MSH4: variants seen among roughly 807,000 people sequenced by gnomAD.
MSH4 encodes the protein mutS homolog 4.
Under a neutral mutation model 113.7 loss-of-function variants are expected in MSH4, and 106 were observed. The observed-to-expected ratio is 0.93, with a 90% CI of 0.80 to 1.10. The LOEUF (loss-of-function observed/expected upper bound fraction) is 1.10, where lower values mean the gene tolerates loss of function less well. Ranked by LOEUF, MSH4 falls within the 50% of genes least tolerant of loss-of-function variation. MSH4 has a pLI of 0.00. For synonymous variants in MSH4, 368 were observed against 380.2 expected, an observed-to-expected ratio of 0.97 and a Z score of 0.37; for missense variants, 1,061 against 1,093.7, an observed-to-expected ratio of 0.97 and a Z score of 0.42.
At chr1:75,804,741 C>A (rs966586666) in intron 2 of MSH4, among the ~76,000 whole-genome samples, 2 of 151,916 alleles carry the variant, frequency 1.3e-5, no homozygotes, top group African/African-American at 4.8e-5. Flanking sequence ...GAACTCCTGA[C>A]CTCATGATCC....
At chr1:75,870,313 C>G (rs1651683957) in intron 9 of MSH4, among the ~76,000 whole-genome samples, 2 of 152,176 alleles carry the variant, frequency 1.3e-5, no homozygotes, top group African/African-American at 4.8e-5. Context: ...TGCCTTGTCT[C>G]AGATGAGATT....
chr1:75,851,366 G>A (rs918796204), intron 8 of MSH4, among the ~76,000 whole-genome samples: 1 of 150,500 alleles, frequency 6.6e-6, no homozygotes, highest in African/African-American at 2.4e-5. Context: ...ATTGACTTAG[G>A]GTTTATAGAC....
chr1:75,889,118 CAT>C, intron 15 of MSH4, 131 bp from the exon 16 acceptor site: 1 of 501,474 alleles, frequency 2.0e-6, no homozygotes, highest in Non-Finnish European at 3.6e-6. Context: ...GAACTGGGGT[CAT>C]GTCTTCTAAT....
intron 7 of MSH4, among the ~76,000 whole-genome samples, chr1:75,846,355 T>C (rs1651078244): frequency 6.6e-6 from 1 of 152,230 alleles, no homozygotes; most frequent in Admixed American, 6.5e-5. Flanking sequence ...TCTGCTTCTT[T>C]TTAAATTATA....
At position 75,881,301 on chromosome 1, in the gene MSH4, C is replaced by T; in HGVS notation, c.1837C>T (p.Leu613=). 1 of 1,610,024 alleles carries T rather than the reference C, an allele frequency of 6.2e-7. No homozygotes were observed. The stretch of plus-strand genomic sequence containing the variant: ...TGAACATATTCATTGCTTATATAAA[C>T]TATCTGACACTGTGTCAATGCTGGA... ...IYEHIHCLYK[L]SDTVSMLDML... The change falls in exon 14 of 20, where the codon CTA becomes TTA. Residue 613 remains leucine, a synonymous_variant. Coordinates refer to ENST00000263187, the MANE Select transcript of MSH4 (RefSeq NM_002440.4).
chr1:75,814,907 G>T (rs765925098), intron 4 of MSH4, 114 bp from the exon 5 acceptor site: 3 of 633,030 alleles, frequency 4.7e-6, no homozygotes, highest in Non-Finnish European at 8.4e-6. Flanking sequence ...TTATTTAAAT[G>T]TTGAAATTTT....
intron 19 of MSH4, among the ~76,000 whole-genome samples, chr1:75,911,649 C>T (rs908804931): frequency 2.0e-5 from 3 of 151,950 alleles, no homozygotes; most frequent in Non-Finnish European, 4.4e-5. Context: ...GATATATAAA[C>T]GTAAGCTTAG....
chr1:75,809,514 C>T (rs1187459867), intron 3 of MSH4, among the ~76,000 whole-genome samples: 2 of 152,044 alleles, frequency 1.3e-5, no homozygotes, highest in Non-Finnish European at 2.9e-5. Flanking sequence ...AAGAAATACA[C>T]CTTATTTTAT....
intron 17 of MSH4, among the ~76,000 whole-genome samples, chr1:75,891,142 A>G (rs1652243761): frequency 6.6e-6 from 1 of 152,178 alleles, no homozygotes; most frequent in Non-Finnish European, 1.5e-5. Context: ...AATGATGTTG[A>G]CTATGATGTT....
chr1:75,905,566 C>A (rs939882728), intron 19 of MSH4, among the ~76,000 whole-genome samples: 2 of 152,058 alleles, frequency 1.3e-5, no homozygotes, highest in African/African-American at 4.8e-5. Flanking sequence ...GAGGTCCAGG[C>A]AGTCTAGAGT....
In MSH4 at chr1:75,885,053, G is replaced by GTATATATA. The variant is rs1440812710; in HGVS notation, c.2107+1233_2107+1234insATATATAT. On this transcript the variant is annotated intron_variant, in intron 15 of 19. Coordinates refer to ENST00000263187, the MANE Select transcript of MSH4 (RefSeq NM_002440.4). The stretch of plus-strand genomic sequence containing the variant: ...TATGTGTGTGTGTGTGTGTGTGTGT[G>GTATATATA]TGTGTGTATATATATATATATACCA... 1.8e-3 allele frequency among the ~76,000 whole-genome samples: 185 copies of GTATATATA among 103,668 alleles called. 5 individuals carry two copies. The highest frequency in any genetic ancestry group is 6.9e-3 in the African/African-American group (175 of 25,532). 68.0% of individuals were successfully genotyped at this position (103,668 alleles called of 152,430 possible). A position where few individuals can be genotyped will look rare whatever the true frequency, so the allele number is the denominator to read the frequency against.
chr1:75,898,132 T>C, intron 18 of MSH4, 51 bp downstream of exon 18: 1 of 1,222,168 alleles, frequency 8.2e-7, no homozygotes, highest in Non-Finnish European at 1.1e-6. Flanking sequence ...TATATTCTCC[T>C]AAGACAAACT....
At chr1:75,838,776 TC>T (rs1650888204) in intron 7 of MSH4, among the ~76,000 whole-genome samples, 1 of 152,172 alleles carries the variant, frequency 6.6e-6, no homozygotes, top group African/African-American at 2.4e-5. Context: ...TCTTCCTCCT[TC>T]CCTGCAACCC....
chr1:75,898,511 C>T (rs1004364324), intron 18 of MSH4, among the ~76,000 whole-genome samples: 1 of 140,134 alleles, frequency 7.1e-6, no homozygotes, highest in Non-Finnish European at 1.5e-5. Context: ...GAATGTATTA[C>T]CAAACCATAT....
intron 11 of MSH4, 27 bp downstream of exon 11, chr1:75,878,345 T>C (rs780992359): frequency 1.3e-6 from 2 of 1,544,678 alleles, no homozygotes; most frequent in Non-Finnish European, 8.7e-7. Flanking sequence ...ATAATGTTTT[T>C]TGTAGGGATA....
At chr1:75,907,734 A>T (rs1652699217) in intron 19 of MSH4, among the ~76,000 whole-genome samples, 2 of 111,318 alleles carry the variant, frequency 1.8e-5, no homozygotes, top group African/African-American at 7.3e-5. Context: ...AAAATCTTTC[A>T]GGCTGTCTTT....
intron 6 of MSH4, among the ~76,000 whole-genome samples, chr1:75,819,335 A>G (rs1650357738): frequency 6.6e-6 from 1 of 152,124 alleles, no homozygotes; most frequent in African/African-American, 2.4e-5. Flanking sequence ...TTTACCAAAA[A>G]TACAAAATTT....
intron 9 of MSH4, among the ~76,000 whole-genome samples, chr1:75,871,608 G>C (rs1357970537): frequency 1.3e-5 from 2 of 152,142 alleles, no homozygotes; most frequent in Admixed American, 1.3e-4. Context: ...TTTCTAATTA[G>C]AGATCTATGA....
Position 75,889,341 on chromosome 1 carries a change from C to T in MSH4, c.2198C>T (p.Ser733Leu). The T allele has an allele frequency of 1.3e-6, 2 of 1,504,962 alleles. No homozygotes were observed. Among genetic ancestry groups the T allele is most frequent in the Non-Finnish European group, 1.8e-6 (2 of 1,102,888 alleles). 93.2% of individuals were successfully genotyped at this position (1,504,962 alleles called of 1,614,324 possible). A position where few individuals can be genotyped will look rare whatever the true frequency, so the allele number is the denominator to read the frequency against. The change falls in exon 16 of 20, where the codon TCA becomes TTA. Residue 733 changes from serine to leucine, a missense_variant. Physicochemically the swap from Ser to Leu is moderately radical, Grantham distance 145. Coordinates refer to ENST00000263187, the MANE Select transcript of MSH4 (RefSeq NM_002440.4). Reference sequence around the variant, plus strand: ...ACTGATGATGATATCGAAACAAATTCATCAACATTTATGAAAGAAATGAAA... The same window carrying T: ...ACTGATGATGATATCGAAACAAATTTATCAACATTTATGAAAGAAATGAAA... ...ISTDDDIETNSSTFMKEMKEI... is the reference protein window; with the variant it reads ...ISTDDDIETNLSTFMKEMKEI...
Sources: allele counts gnomAD v4.1 joint callset (sites outside exome capture counted in the v4.1 genomes callset), GRCh38; gene constraint gnomAD v4.1.1; transcripts MANE v1.5; gene names NCBI Gene and HGNC (gene_info 2026-07-23, HGNC 2026-07-21).